The following RBM8A variants were observed in gnomAD, a reference collection of about 807,000 sequenced individuals.
The protein encoded by RBM8A is RNA-binding protein 8A.
RBM8A carries 8 observed loss-of-function variants against 25.1 expected under a neutral mutation model. That is an observed-to-expected ratio of 0.32 (90% CI 0.19 to 0.58). The LOEUF (loss-of-function observed/expected upper bound fraction) is 0.58. Ranked by LOEUF, RBM8A falls within the 20% of genes least tolerant of loss-of-function variation. The pLI is 0.88. For missense variants in RBM8A, 114 were observed against 236.8 expected (o/e 0.48, Z 3.40); for synonymous variants, 66 against 80.0 (o/e 0.82, Z 0.94).
chr1:145,925,946 GGA>G lies in RBM8A; in HGVS notation c.480-21_480-20del, dbSNP rs781871841. 6.2e-7 allele frequency: 1 copy of G among 1,614,172 alleles called. No individual in the cohort carries two copies. The highest frequency in any genetic ancestry group is 1.7e-5 in the Admixed American group (1 of 60,022). ...GCCACCTCTAGGGAAAAAGAAGCAG[GGA>G]GAGGAGTCCATTAGAGGGACATAAT... On this transcript the variant is annotated intron_variant, in intron 5 of 5. Coordinates refer to ENST00000583313, the MANE Select transcript of RBM8A (RefSeq NM_005105.5).
At chr1:145,927,187 T>G (rs1392454240) in intron 1 of RBM8A, 110 bp from the exon 2 acceptor site, 1 of 1,495,168 alleles carries the variant, frequency 6.7e-7, no homozygotes. Flanking sequence ...CCAGTCTTAG[T>G]GCCTTCCCGG....
chr1:145,924,223 C>T lies in RBM8A; in HGVS notation c.*1659G>A, dbSNP rs1553755408. On this transcript the variant is annotated 3_prime_UTR_variant, in exon 6 of 6. Coordinates refer to ENST00000583313, the MANE Select transcript of RBM8A (RefSeq NM_005105.5). Reference sequence around the variant, plus strand: ...TCACTCAGTGTGTCACCAAAGGCAGCTTCAAGGCTCAATGGCAAGAGACCA... The same window carrying T: ...TCACTCAGTGTGTCACCAAAGGCAGTTTCAAGGCTCAATGGCAAGAGACCA... The T allele has an allele frequency of 6.0e-6, 4 of 662,490 alleles. No individual in the cohort carries two copies. Among genetic ancestry groups the T allele is most frequent in the Middle Eastern group, 2.4e-4 (1 of 4,118 alleles). The allele number at this position is 662,490 out of a possible 1,614,324, so 41.0% of individuals were successfully genotyped here.
rs782066939 is a variant in RBM8A, at chr1:145,925,970, T to A, written c.480-43A>T. The A allele has an allele frequency of 7.4e-6, 12 of 1,614,058 alleles. No homozygotes were observed. The African/African-American group carries it at 1.2e-4, about 16-fold the overall frequency. ...GGGAGAGGAGTCCATTAGAGGGACATAATACTAAGTCCTCATTCTGTTTCG... is the reference window on the plus strand; with the variant it reads ...GGGAGAGGAGTCCATTAGAGGGACAAAATACTAAGTCCTCATTCTGTTTCG... On this transcript the variant is annotated intron_variant, in intron 5 of 5. Transcript: ENST00000583313.
At chr1:145,926,752 T>C in intron 3 of RBM8A, 57 bp downstream of exon 3, 2 of 1,614,002 alleles carry the variant, frequency 1.2e-6, no homozygotes, top group Non-Finnish European at 8.5e-7. Flanking sequence ...AACTATTTTA[T>C]TGGTTTCTAA....
chr1:145,926,730 C>G, intron 3 of RBM8A, 79 bp downstream of exon 3: 1 of 1,613,774 alleles, frequency 6.2e-7, no homozygotes, highest in Non-Finnish European at 8.5e-7. Context: ...TGAACCCATT[C>G]CTACTGCGTT....
chr1:145,922,233 G>C lies in RBM8A; in HGVS notation c.*3649C>G, dbSNP rs1001365402. The C allele has an allele frequency of 1.3e-5, 2 of 151,712 alleles. No individual in the cohort carries two copies. The highest frequency in any genetic ancestry group is 2.9e-5 in the Non-Finnish European group (2 of 67,920). The allele number at this position is 151,712 out of a possible 1,614,324, so 9.4% of individuals were successfully genotyped here. ...AGCCAGACTCTGTTGGGGGTGGGGT[G>C]GGGGGGAAAGAGAAAAATAATACTT... On this transcript the variant is annotated 3_prime_UTR_variant, in exon 6 of 6. Transcript: ENST00000583313.
intron 4 of RBM8A, 94 bp downstream of exon 4, chr1:145,926,388 A>G (rs1648158378): frequency 3.3e-6 from 5 of 1,526,832 alleles, no homozygotes; most frequent in South Asian, 2.5e-5. Context: ...TTTTATTTCA[A>G]CTTTGCTCTT....
Position 145,925,422 on chromosome 1 carries a change from C to A in RBM8A, c.*460G>T, listed in dbSNP as rs1298801724. On this transcript the variant is annotated 3_prime_UTR_variant, in exon 6 of 6. Transcript: ENST00000583313. ...ACTCACATAACTAGCCCAGGTAACA[C>A]AGCAAGACCCCATCTCTACAAAAAT... The A allele has an allele frequency of 3.8e-5, 14 of 363,652 alleles. No individual in the cohort carries two copies. Among genetic ancestry groups the A allele is most frequent in the Non-Finnish European group, 6.5e-5 (12 of 185,464 alleles). 22.5% of individuals were successfully genotyped at this position (363,652 alleles called of 1,614,324 possible).
chr1:145,925,623 TACA>T lies in RBM8A; in HGVS notation c.*256_*258del, dbSNP rs1553755709. 1.4e-4 allele frequency: 67 copies of T among 462,594 alleles called. No individual in the cohort carries two copies. Among genetic ancestry groups the T allele is most frequent in the Non-Finnish European group, 2.2e-4 (57 of 255,864 alleles). The allele number at this position is 462,594 out of a possible 1,614,324, so 28.7% of individuals were successfully genotyped here. The stretch of plus-strand genomic sequence containing the variant: ...TCTCAAAAAAAAGAAAAAAAAGAAA[TACA>T]TAGAGTTCAGTCCCTAGAAGTATCT... On this transcript the variant is annotated 3_prime_UTR_variant, in exon 6 of 6. Coordinates refer to ENST00000583313, the MANE Select transcript of RBM8A (RefSeq NM_005105.5).
Position 145,921,746 on chromosome 1 carries a change from G to T in RBM8A, c.*4136C>A. 1 of 156,800 alleles carries T rather than the reference G, an allele frequency of 6.4e-6. No homozygotes were observed. Among genetic ancestry groups the T allele is most frequent in the Non-Finnish European group, 1.4e-5 (1 of 69,854 alleles). The allele number at this position is 156,800 out of a possible 1,614,324, so 9.7% of individuals were successfully genotyped here. A position where few individuals can be genotyped will look rare whatever the true frequency, so the allele number is the denominator to read the frequency against. On this transcript the variant is annotated 3_prime_UTR_variant, in exon 6 of 6. Coordinates refer to ENST00000583313, the MANE Select transcript of RBM8A (RefSeq NM_005105.5). ...GCAAAAACCACTATCACTATCATGG[G>T]GTTGGGGGGCAGGATACAACAGCAT...
rs1553756203 is a variant in RBM8A at position 145,927,430 on chromosome 1, G to T, written c.-4C>A. 6.2e-7 allele frequency: 1 copy of T among 1,609,118 alleles called. No homozygotes were observed. The highest frequency in any genetic ancestry group is 1.7e-5 in the Admixed American group (1 of 59,188). ...GAAGATCTAGCACGTCCGCCATCTCGCCTTCGATCGAGATCTCGTCTGTGC... is the reference window on the plus strand; with the variant it reads ...GAAGATCTAGCACGTCCGCCATCTCTCCTTCGATCGAGATCTCGTCTGTGC... On this transcript the variant is annotated 5_prime_UTR_variant, in exon 1 of 6. Transcript: ENST00000583313.
rs1647978949 is a variant in RBM8A, at chr1:145,924,313, T to C, written c.*1569A>G. On this transcript the variant is annotated 3_prime_UTR_variant, in exon 6 of 6. Coordinates refer to ENST00000583313, the MANE Select transcript of RBM8A (RefSeq NM_005105.5). The stretch of plus-strand genomic sequence containing the variant: ...CACTGACTGCCATGGCCATCTGCTA[T>C]AGCCGCATTGTCCTCAGTGTGTCCA... 5.7e-6 allele frequency: 3 copies of C among 522,400 alleles called. No homozygotes were observed. Among genetic ancestry groups the C allele is most frequent in the Non-Finnish European group, 7.7e-6 (2 of 261,354 alleles). 32.4% of individuals were successfully genotyped at this position (522,400 alleles called of 1,614,324 possible).
Position 145,925,048 on chromosome 1 carries a change from C to T in RBM8A, c.*834G>A. The T allele has an allele frequency of 3.8e-6, 1 of 266,102 alleles. No homozygotes were observed. Among genetic ancestry groups the T allele is most frequent in the South Asian group, 2.3e-5 (1 of 44,332 alleles). 16.5% of individuals were successfully genotyped at this position (266,102 alleles called of 1,614,324 possible). On this transcript the variant is annotated 3_prime_UTR_variant, in exon 6 of 6. Coordinates refer to ENST00000583313, the MANE Select transcript of RBM8A (RefSeq NM_005105.5). ...CCTCAATGCTCCTTTGGATCCTCTCCTCTATGGGGCCTTCACCCTTGGCTG... is the reference window on the plus strand; with the variant it reads ...CCTCAATGCTCCTTTGGATCCTCTCTTCTATGGGGCCTTCACCCTTGGCTG...
In RBM8A at chr1:145,926,169, A is replaced by G; in HGVS notation, c.351T>C (p.Thr117=). 6.2e-7 allele frequency: 1 copy of G among 1,613,632 alleles called. No homozygotes were observed. Among genetic ancestry groups the G allele is most frequent in the South Asian group, 1.1e-5 (1 of 91,056 alleles). The change falls in exon 5 of 6, where the codon ACT becomes ACC. Residue 117 remains threonine (T), a synonymous_variant. Coordinates refer to ENST00000583313, the MANE Select transcript of RBM8A (RefSeq NM_005105.5). ...DRRTGYLKGY[T]LVEYETYKEA... ...CCTTGTATGTTTCATATTCAACTAG[A>G]GTATACCCCTGGGGAAAGTGAAAAG...
Position 145,926,112 on chromosome 1 carries a change from G to A in RBM8A, c.408C>T (p.Gly136=). The A allele has an allele frequency of 6.2e-7, 1 of 1,614,150 alleles. No individual in the cohort carries two copies. Residue 136 remains glycine (G), a synonymous_variant, in exon 5 of 6, where the codon GGC becomes GGT. Transcript: ENST00000583313. ...TGATGGGCTGTCCCATCAAATCCTG[G>A]CCATTGAGTCCCTCCATAGCAGCCT... ...EAQAAMEGLN[G]QDLMGQPISV... is the part of the protein sequence containing the mutation.
chr1:145,921,935 A>G lies in RBM8A; in HGVS notation c.*3947T>C, dbSNP rs1467357570. 6.6e-6 allele frequency: 1 copy of G among 152,226 alleles called. No individual in the cohort carries two copies. The highest frequency in any genetic ancestry group is 1.5e-5 in the Non-Finnish European group (1 of 68,038). The allele number at this position is 152,226 out of a possible 1,614,324, so 9.4% of individuals were successfully genotyped here. A position where few individuals can be genotyped will look rare whatever the true frequency, so the allele number is the denominator to read the frequency against. ...AGAAGTTAGTCTGACTATACTCCTA[A>G]GAACAAAGAAAGGCCTGGTGGCTCA... is the stretch of plus-strand genomic sequence containing the variant. On this transcript the variant is annotated 3_prime_UTR_variant, in exon 6 of 6. Coordinates refer to ENST00000583313, the MANE Select transcript of RBM8A (RefSeq NM_005105.5).
In RBM8A at chr1:145,923,339, G is replaced by C. The variant is rs1553755255; in HGVS notation, c.*2543C>G. 6.6e-6 allele frequency: 1 copy of C among 152,206 alleles called. No homozygotes were observed. Among genetic ancestry groups the C allele is most frequent in the African/African-American group, 2.4e-5 (1 of 41,398 alleles). 9.4% of individuals were successfully genotyped at this position (152,206 alleles called of 1,614,324 possible). A position where few individuals can be genotyped will look rare whatever the true frequency, so the allele number is the denominator to read the frequency against. ...AATATATGAATGCAAGAGATGGGAA[G>C]AGGAAAGACCATTTCCCAACTAGCT... On this transcript the variant is annotated 3_prime_UTR_variant, in exon 6 of 6. Transcript: ENST00000583313.
In RBM8A at chr1:145,923,576, A is replaced by G. The variant is rs1192302292; in HGVS notation, c.*2306T>C. 5 of 237,680 alleles carry G rather than the reference A, an allele frequency of 2.1e-5. No individual in the cohort carries two copies. Among genetic ancestry groups the G allele is most frequent in the Non-Finnish European group, 4.1e-5 (5 of 122,868 alleles). The allele number at this position is 237,680 out of a possible 1,614,324, so 14.7% of individuals were successfully genotyped here. A position where few individuals can be genotyped will look rare whatever the true frequency, so the allele number is the denominator to read the frequency against. ...GCAGGCACTTTAACCTTGTAGCTCTAAACAGAAATAGTTTTTACTGATTCA... is the reference window on the plus strand; with the variant it reads ...GCAGGCACTTTAACCTTGTAGCTCTGAACAGAAATAGTTTTTACTGATTCA... On this transcript the variant is annotated 3_prime_UTR_variant, in exon 6 of 6. Coordinates refer to ENST00000583313, the MANE Select transcript of RBM8A (RefSeq NM_005105.5).
In RBM8A at chr1:145,927,380, G is replaced by T; in HGVS notation, c.47C>A (p.Ala16Asp). The stretch of plus-strand genomic sequence containing the variant: ...CTCACCGTCCCCATCCTCATCCATG[G>T]CGAAATCTTCGCCCCCAGCCTCGTG... ...DLHEAGGEDFAMDEDGDESIH... is the reference protein window; with the variant it reads ...DLHEAGGEDFDMDEDGDESIH... Residue 16 changes from alanine (A) to aspartate (D), a missense_variant, in exon 1 of 6, where the codon GCC (alanine) becomes GAC (aspartate). By Grantham distance (126) the Ala-to-Asp change is moderately radical (BLOSUM62 -2). This residue lies in a region of RBM8A where 12 missense variants were observed against 54.1 expected (regional missense o/e 0.22). Coordinates refer to ENST00000583313, the MANE Select transcript of RBM8A (RefSeq NM_005105.5). 1 of 1,612,104 alleles carries T rather than the reference G, an allele frequency of 6.2e-7. No individual in the cohort carries two copies. Among genetic ancestry groups the T allele is most frequent in the Non-Finnish European group, 8.5e-7 (1 of 1,179,286 alleles).
Sources: allele counts gnomAD v4.1 joint callset, GRCh38; gene constraint gnomAD v4.1.1; regional missense constraint gnomAD v4.1.1; transcripts MANE v1.5; gene names NCBI Gene and HGNC (gene_info 2026-07-23, HGNC 2026-07-21).